Variants in TBC1D4 observed in about 807,000 individuals in gnomAD.
The protein encoded by TBC1D4 is TBC1 domain family member 4.
Under a neutral mutation model 142.5 loss-of-function variants are expected in TBC1D4, and 121 were observed. The observed-to-expected ratio is 0.85, with a 90% CI of 0.73 to 0.99. The LOEUF (loss-of-function observed/expected upper bound fraction) is 0.99. Among genes scored for constraint, TBC1D4 ranks in the 50% least tolerant of loss-of-function variants. The probability of loss-of-function intolerance (pLI) is 0.00; values close to 1 mark genes in which losing one functional copy is unlikely to be tolerated. For synonymous variants in TBC1D4, 630 were observed against 628.2 expected (o/e 1.00, Z -0.04); for missense variants, 1,475 against 1,606.6 (o/e 0.92, Z 1.40).
At chr13:75,473,515 T>C (rs1204985335) in intron 1 of TBC1D4, among the ~76,000 whole-genome samples, 1 of 152,232 alleles carries the variant, frequency 6.6e-6, no homozygotes, top group African/African-American at 2.4e-5. Context: ...TAGAGAATTT[T>C]TAAAATTTGT....
chr13:75,463,048 A>G (rs1383616181), intron 1 of TBC1D4, among the ~76,000 whole-genome samples: 3 of 152,278 alleles, frequency 2.0e-5, no homozygotes, highest in African/African-American at 4.8e-5. Flanking sequence ...ACGTAAAGTG[A>G]TATTTTAACT....
chr13:75,375,404 T>C (rs1266266298), intron 1 of TBC1D4: 1 of 152,192 alleles, frequency 6.6e-6, no homozygotes, highest in Admixed American at 6.5e-5. Flanking sequence ...GGAGAATATA[T>C]ATTAACACAG....
At chr13:75,429,328 TTCATC>T (rs1420671425) in intron 1 of TBC1D4, among the ~76,000 whole-genome samples, 1 of 152,204 alleles carries the variant, frequency 6.6e-6, no homozygotes, top group Non-Finnish European at 1.5e-5. Context: ...AGTAAATATT[TTCATC>T]TCATCACAAA....
At chr13:75,342,662 A>G (rs1330449339) in intron 5 of TBC1D4, among the ~76,000 whole-genome samples, 1 of 152,088 alleles carries the variant, frequency 6.6e-6, no homozygotes, top group Non-Finnish European at 1.5e-5. Context: ...TTTTTAAAAA[A>G]GAAAGTTTAA....
At chr13:75,406,807 A>C (rs1039885028) in intron 1 of TBC1D4, among the ~76,000 whole-genome samples, 2 of 152,214 alleles carry the variant, frequency 1.3e-5, no homozygotes, top group African/African-American at 4.8e-5. Flanking sequence ...ACCCACAAGC[A>C]GGGTTTATGG....
intron 1 of TBC1D4, among the ~76,000 whole-genome samples, chr13:75,398,170 T>C (rs149806391): frequency 4.9e-4 from 75 of 152,356 alleles, no homozygotes; most frequent in Middle Eastern, 6.8e-3. Context: ...GAAGTAGACA[T>C]AAGCTGTTCT....
At chr13:75,295,074 C>T (rs1167867612) in intron 17 of TBC1D4, 61 bp from the exon 18 acceptor site, 5 of 1,451,894 alleles carry the variant, frequency 3.4e-6, no homozygotes, top group African/African-American at 1.4e-5. Context: ...GCATCAAACA[C>T]ACTGATTTTA....
chr13:75,296,206 T>G (rs1372586974), intron 17 of TBC1D4, among the ~76,000 whole-genome samples: 3 of 150,704 alleles, frequency 2.0e-5, no homozygotes, highest in Admixed American at 6.6e-5. Flanking sequence ...GGAGTCAAAG[T>G]TTTTTTTTAA....
chr13:75,285,039 C>A lies in TBC1D4; in HGVS notation c.*1753G>T, dbSNP rs1874548493. The A allele has an allele frequency of 6.6e-6, 1 of 152,138 alleles. No homozygotes were observed. The highest frequency in any genetic ancestry group is 2.4e-5 in the African/African-American group (1 of 41,446). 9.4% of individuals were successfully genotyped at this position (152,138 alleles called of 1,614,324 possible). ...AACCCCTCCTACAAATAGAGAAATT[C>A]TCAGGAAATCCAAGCAACAAATCAA... On this transcript the variant is annotated 3_prime_UTR_variant, in exon 21 of 21. Coordinates refer to ENST00000377636, the MANE Select transcript of TBC1D4 (RefSeq NM_014832.5).
chr13:75,287,014 AGTATGAG>A lies in TBC1D4; in HGVS notation c.3668_3674del (p.Ala1223ValfsTer14). The A allele has an allele frequency of 6.2e-7, 1 of 1,610,724 alleles. No homozygotes were observed. The highest frequency in any genetic ancestry group is 8.5e-7 in the Non-Finnish European group (1 of 1,179,838). On this transcript the variant is annotated frameshift_variant, in exon 21 of 21. Coordinates refer to ENST00000377636, the MANE Select transcript of TBC1D4 (RefSeq NM_014832.5). LOFTEE classifies it high-confidence loss of function. ...GGTTTGATTCCAAGGCCTGGATTTT[AGTATGAG>A]CTACCTGTTTGGGGGGGAAAAAATC...
At chr13:75,424,272 T>TA (rs5804814) in intron 1 of TBC1D4, among the ~76,000 whole-genome samples, 47,311 of 115,824 alleles carry the variant, frequency 0.41, 9,916 homozygotes, top group African/African-American at 0.63. Context: ...AACCCTGTCT[T>TA]AAAAAAAAAA....
At chr13:75,399,034 T>C (rs1884946175) in intron 1 of TBC1D4, among the ~76,000 whole-genome samples, 1 of 152,204 alleles carries the variant, frequency 6.6e-6, no homozygotes, top group African/African-American at 2.4e-5. Flanking sequence ...TTGGGGGTAC[T>C]ACACTAGCTT....
intron 18 of TBC1D4, 142 bp from the exon 19 acceptor site, chr13:75,292,413 T>TA (rs993944635): frequency 7.6e-6 from 5 of 661,900 alleles, no homozygotes; most frequent in African/African-American, 5.5e-5. Flanking sequence ...AGCTTTTTTT[T>TA]AAAAAAGCAA....
intron 1 of TBC1D4, among the ~76,000 whole-genome samples, chr13:75,427,416 CT>C (rs1886422719): frequency 6.6e-6 from 1 of 152,286 alleles, no homozygotes; most frequent in African/African-American, 2.4e-5. Context: ...TGGCTTATGC[CT>C]GTAATCTCAG....
intron 3 of TBC1D4, among the ~76,000 whole-genome samples, chr13:75,357,418 T>C (rs144568698): frequency 5.3e-5 from 8 of 152,250 alleles, no homozygotes; most frequent in African/African-American, 1.7e-4. Flanking sequence ...ACAACCTCGA[T>C]TTTCATCTTT....
chr13:75,303,997 C>A (rs564968841), intron 15 of TBC1D4, among the ~76,000 whole-genome samples: 1 of 152,262 alleles, frequency 6.6e-6, no homozygotes, highest in South Asian at 2.1e-4. Flanking sequence ...TTTCACACAC[C>A]ATTTGACTCA....
chr13:75,403,801 G>A (rs75701248), intron 1 of TBC1D4, among the ~76,000 whole-genome samples: 5,827 of 152,146 alleles, frequency 0.038, 140 homozygotes, highest in Non-Finnish European at 0.06. Flanking sequence ...AAACTCACAA[G>A]AAAAACACAG....
In TBC1D4 at chr13:75,286,016, G is replaced by C. The variant is rs1476801499; in HGVS notation, c.*776C>G. ...TTTTCAGGTGTGATATTTTTAGTTTGAGTAATAATGCTGGTCTAGTTTGCT... is the reference window on the plus strand; with the variant it reads ...TTTTCAGGTGTGATATTTTTAGTTTCAGTAATAATGCTGGTCTAGTTTGCT... On this transcript the variant is annotated 3_prime_UTR_variant, in exon 21 of 21. Transcript: ENST00000377636. 6.6e-6 allele frequency: 1 copy of C among 152,582 alleles called. No homozygotes were observed. Among genetic ancestry groups the C allele is most frequent in the South Asian group, 2.1e-4 (1 of 4,826 alleles). 9.5% of individuals were successfully genotyped at this position (152,582 alleles called of 1,614,324 possible).
At chr13:75,405,730 A>T (rs1478965616) in intron 1 of TBC1D4, among the ~76,000 whole-genome samples, 1 of 152,208 alleles carries the variant, frequency 6.6e-6, no homozygotes, top group Non-Finnish European at 1.5e-5. Flanking sequence ...AAAAGGTTGT[A>T]AATAATAATG....
Sources: gnomAD v4.1 joint callset for allele counts (sites outside exome capture counted in the v4.1 genomes callset) on GRCh38, gnomAD v4.1.1 for gene constraint, MANE v1.5 for transcripts, NCBI Gene and HGNC (gene_info 2026-07-23, HGNC 2026-07-21) for gene names.